ADGRL1: variants seen among roughly 807,000 people sequenced by gnomAD.
The protein encoded by ADGRL1 is CIRL-1.
In ADGRL1, 31 loss-of-function variants were observed where a neutral mutation model predicts 148.9. That is an observed-to-expected ratio of 0.21 (90% CI 0.16 to 0.28). ADGRL1 has a LOEUF of 0.28. Ranked by LOEUF, ADGRL1 falls within the 10% of genes least tolerant of loss-of-function variation. The probability of loss-of-function intolerance (pLI) is 1.00; values close to 1 mark genes in which losing one functional copy is unlikely to be tolerated. For synonymous variants in ADGRL1, 937 were observed against 900.3 expected (o/e 1.04, Z -0.73); for missense variants, 1,521 against 2,058.8 (o/e 0.74, Z 5.05).
intron 1 of ADGRL1, among the ~76,000 whole-genome samples, chr19:14,203,490 C>A (rs1378406405): frequency 6.6e-6 from 1 of 152,148 alleles, no homozygotes; most frequent in African/African-American, 2.4e-5. Context: ...GACGCAGACG[C>A]CCCGAGATGC....
chr19:14,162,678 G>T lies in ADGRL1; in HGVS notation c.1123C>A (p.Gln375Lys). ...AAATAGTTGTTCCAGACGTACAGCT[G>T]GTTGTCGCGAGGGTTGTAGTCAACG... Reference protein sequence around the residue: ...SSVDYNPRDNQLYVWNNYFVV... With the variant: ...SSVDYNPRDNKLYVWNNYFVV... Residue 375 changes from glutamine to lysine, a missense_variant, in exon 5 of 23, where the codon CAG becomes AAG. Gln to Lys is a moderately conservative substitution (Grantham distance 53). This residue lies in a region of ADGRL1 where 270 missense variants were observed against 320.4 expected (regional missense o/e 0.84). Transcript: ENST00000361434. The surrounding 1 kb of genome is among the most constrained non-coding windows in gnomAD (Gnocchi z 5.4). 1 of 1,614,090 alleles carries T rather than the reference G, an allele frequency of 6.2e-7. No individual in the cohort carries two copies. The highest frequency in any genetic ancestry group is 8.5e-7 in the Non-Finnish European group (1 of 1,179,984).
intron 18 of ADGRL1, among the ~76,000 whole-genome samples, chr19:14,154,083 C>T (rs543526565): frequency 3.3e-5 from 5 of 152,180 alleles, no homozygotes; most frequent in African/African-American, 1.2e-4. Flanking sequence ...GGGAGGGGAG[C>T]CGAGGGGCCC....
At chr19:14,188,815 C>A (rs183194100) in intron 1 of ADGRL1, among the ~76,000 whole-genome samples, 10 of 152,164 alleles carry the variant, frequency 6.6e-5, no homozygotes, top group Non-Finnish European at 1.5e-4. Context: ...ACTTTGTCAC[C>A]GGGGCTGGAG....
chr19:14,153,582 ATTT>A (rs34163270), intron 18 of ADGRL1, among the ~76,000 whole-genome samples: 2 of 128,426 alleles, frequency 1.6e-5, no homozygotes. Flanking sequence ...CACCTGGCTA[ATTT>A]TTTTTTTTTT....
intron 1 of ADGRL1, among the ~76,000 whole-genome samples, chr19:14,198,764 C>T (rs1329492681): frequency 1.3e-5 from 2 of 152,180 alleles, no homozygotes; most frequent in Non-Finnish European, 2.9e-5. Flanking sequence ...CTCACAGATG[C>T]TCCTTCCCCT....
At chr19:14,187,249 G>A (rs1971629529) in intron 1 of ADGRL1, among the ~76,000 whole-genome samples, 1 of 152,224 alleles carries the variant, frequency 6.6e-6, no homozygotes, top group Non-Finnish European at 1.5e-5. Context: ...TGAGGCACGA[G>A]AACTGGTTGA....
chr19:14,184,764 C>T (rs1009972444), intron 1 of ADGRL1, among the ~76,000 whole-genome samples: 2 of 151,754 alleles, frequency 1.3e-5, no homozygotes, highest in Non-Finnish European at 2.9e-5. Flanking sequence ...CTCAGCCTCC[C>T]GAGTAGCTGG....
In ADGRL1 at chr19:14,157,599, C is replaced by T. The variant is rs570976039; in HGVS notation, c.2536-139G>A. On this transcript the variant is annotated intron_variant, in intron 13 of 22. Transcript: ENST00000361434. The surrounding 1 kb of genome is among the most constrained non-coding windows in gnomAD (Gnocchi z 7.5). ...GGTGCCGCCAACCTGGCAGCCCTCA[C>T]CCCTCTGCACGCAGCAATGCGCTCA... The T allele has an allele frequency of 2.5e-4, 212 of 836,712 alleles. No homozygotes were observed. The South Asian group carries it at 3.4e-3, about 13-fold the overall frequency. The allele number at this position is 836,712 out of a possible 1,614,324, so 51.8% of individuals were successfully genotyped here.
At chr19:14,197,926 G>A (rs573060112) in intron 1 of ADGRL1, among the ~76,000 whole-genome samples, 141 of 152,314 alleles carry the variant, frequency 9.3e-4, no homozygotes, top group African/African-American at 3.2e-3. Flanking sequence ...GTGCAATGGA[G>A]GAAGGTGTGC....
At chr19:14,168,111 C>T (rs1442567965) in intron 4 of ADGRL1, among the ~76,000 whole-genome samples, 1 of 152,098 alleles carries the variant, frequency 6.6e-6, no homozygotes, top group Non-Finnish European at 1.5e-5. Context: ...AGCCCTGGGC[C>T]AGGTGGCTGC....
intron 1 of ADGRL1, chr19:14,191,323 T>C (rs1971923467): frequency 4.4e-6 from 2 of 456,582 alleles, no homozygotes; most frequent in Admixed American, 2.4e-5. Context: ...TGTGCATCCC[T>C]TGCCATGCTG....
chr19:14,175,552 ACATT>A (rs1327591342), intron 3 of ADGRL1, among the ~76,000 whole-genome samples: 1 of 151,976 alleles, frequency 6.6e-6, no homozygotes, highest in African/African-American at 2.4e-5. Context: ...ACAAACACCC[ACATT>A]CACACACACA....
At chr19:14,172,107 C>T (rs1045599776) in intron 3 of ADGRL1, among the ~76,000 whole-genome samples, 11 of 152,168 alleles carry the variant, frequency 7.2e-5, no homozygotes, top group African/African-American at 2.7e-4. Context: ...CTGTATCCAT[C>T]CACCTCATCC....
chr19:14,183,216 AGC>A lies in ADGRL1; in HGVS notation c.70+315_70+316del, dbSNP rs1491395019. ...CACAGAGAGAGAGAGAGAGAGAGAG[AGC>A]GAGAGAGAGACAGAGAGAGGAGCAT... is the stretch of plus-strand genomic sequence containing the variant. On this transcript the variant is annotated intron_variant, in intron 2 of 22. Transcript: ENST00000361434. Among the ~76,000 whole-genome samples, 25 of 150,560 alleles carry A rather than the reference AGC, an allele frequency of 1.7e-4. No individual in the cohort carries two copies. In the South Asian group the frequency reaches 1.7e-3, roughly 10 times the overall value.
In ADGRL1 at chr19:14,160,420, C is replaced by A; in HGVS notation, c.1615-123G>T. ...CTCTCCACTTCCCCATCGCCATCTG[C>A]CCCTTCCCACCCCATCTGTCCCTGC... On this transcript the variant is annotated intron_variant, in intron 7 of 22. Transcript: ENST00000361434. This position sits in a 1 kb window ranked among gnomAD's most constrained non-coding sequence, Gnocchi z 5.9. 1.0e-6 allele frequency: 1 copy of A among 979,100 alleles called. No homozygotes were observed. Among genetic ancestry groups the A allele is most frequent in the Non-Finnish European group, 1.5e-6 (1 of 671,352 alleles). 60.7% of individuals were successfully genotyped at this position (979,100 alleles called of 1,614,324 possible).
intron 18 of ADGRL1, among the ~76,000 whole-genome samples, chr19:14,154,151 A>G (rs1968497997): frequency 6.6e-6 from 1 of 152,010 alleles, no homozygotes; most frequent in South Asian, 2.1e-4. Context: ...ACTGCGTGTG[A>G]GGTGGGGGCT....
At chr19:14,199,778 G>C (rs1277457764) in intron 1 of ADGRL1, among the ~76,000 whole-genome samples, 1 of 150,962 alleles carries the variant, frequency 6.6e-6, no homozygotes. Flanking sequence ...CTGTCATCCA[G>C]GCTGGAGTGC....
intron 4 of ADGRL1, chr19:14,168,738 G>C (rs1335220003): frequency 6.6e-6 from 1 of 152,092 alleles, no homozygotes; most frequent in Non-Finnish European, 1.5e-5. Context: ...GGAGAAGTTG[G>C]GTCATTATCC....
At position 14,150,211 on chromosome 19, in the gene ADGRL1, A is replaced by T. The variant is rs1174599455; in HGVS notation, c.*662T>A. 6.6e-6 allele frequency: 1 copy of T among 152,652 alleles called. No individual in the cohort carries two copies. Among genetic ancestry groups the T allele is most frequent in the African/African-American group, 2.4e-5 (1 of 41,366 alleles). 9.5% of individuals were successfully genotyped at this position (152,652 alleles called of 1,614,324 possible). A position where few individuals can be genotyped will look rare whatever the true frequency, so the allele number is the denominator to read the frequency against. On this transcript the variant is annotated 3_prime_UTR_variant, in exon 23 of 23. Coordinates refer to ENST00000361434, the MANE Select transcript of ADGRL1 (RefSeq NM_014921.5). ...GGAGGGGGTCATTGGGTGCACTGGG[A>T]GGCAGAGGGGGCAGGTTTGCTTGCG...
Sources: gnomAD v4.1 joint callset for allele counts (sites outside exome capture counted in the v4.1 genomes callset) on GRCh38, gnomAD v4.1.1 for gene constraint, gnomAD v4.1.1 regional missense constraint, Gnocchi (gnomAD v3.1) non-coding constraint, MANE v1.5 for transcripts, NCBI Gene and HGNC (gene_info 2026-07-23, HGNC 2026-07-21) for gene names.